The following NUP155 variants were observed in gnomAD, a reference collection of about 807,000 sequenced individuals.
The protein encoded by NUP155 is nuclear pore complex protein Nup155.
In NUP155, 71 loss-of-function variants were observed where a neutral mutation model predicts 180.4. That is an observed-to-expected ratio of 0.39 (90% confidence interval 0.33 to 0.48). The LOEUF (loss-of-function observed/expected upper bound fraction) is 0.48, where lower values mean the gene tolerates loss of function less well. Ranked by LOEUF, NUP155 falls within the 20% of genes least tolerant of loss-of-function variation. NUP155 has a pLI of 0.91. For missense variants in NUP155, 1,553 were observed against 1,648.9 expected (o/e 0.94, Z 1.01); for synonymous variants, 582 against 559.5 (o/e 1.04, Z -0.57).
chr5:37,299,438 GA>G lies in NUP155; in HGVS notation c.3682+9del. ...AACGTATGCTAACATACCTATAACTGAACACTTACCTTTCTCTATGATATCT... is the reference window on the plus strand; with the variant it reads ...AACGTATGCTAACATACCTATAACTGACACTTACCTTTCTCTATGATATCT... On this transcript the variant is annotated intron_variant, in intron 31 of 34. Coordinates refer to ENST00000231498, the MANE Select transcript of NUP155 (RefSeq NM_153485.3). The G allele has an allele frequency of 6.2e-7, 1 of 1,613,922 alleles. No individual in the cohort carries two copies. The highest frequency in any genetic ancestry group is 8.5e-7 in the Non-Finnish European group (1 of 1,179,918).
At chr5:37,349,866 A>C (rs185212718) in intron 7 of NUP155, among the ~76,000 whole-genome samples, 473 of 152,310 alleles carry the variant, frequency 3.1e-3, no homozygotes, top group Non-Finnish European at 5.6e-3. Flanking sequence ...TAGCTGTCTG[A>C]ATGTCTGTCT....
chr5:37,335,852 AG>A (rs932177640), intron 12 of NUP155, among the ~76,000 whole-genome samples: 2 of 151,218 alleles, frequency 1.3e-5, no homozygotes, highest in African/African-American at 4.9e-5. Flanking sequence ...CATGGCGGGG[AG>A]GGGGTGGCGG....
intron 11 of NUP155, 91 bp from the exon 12 acceptor site, chr5:37,338,009 TGC>T (rs1475311389): frequency 4.3e-5 from 36 of 832,624 alleles, no homozygotes; most frequent in Non-Finnish European, 6.2e-5. Flanking sequence ...CAAAAGCAAT[TGC>T]GGTTTTGCAA....
At chr5:37,353,581 C>CA (rs1372416002) in intron 4 of NUP155, among the ~76,000 whole-genome samples, 1 of 150,562 alleles carries the variant, frequency 6.6e-6, no homozygotes, top group Admixed American at 6.6e-5. Flanking sequence ...GACTCCATCT[C>CA]AAAAAAAATA....
In NUP155 at chr5:37,290,134, A is replaced by G. The variant is rs1426813043; in HGVS notation, c.*1766T>C. 1 of 152,206 alleles carries G rather than the reference A, an allele frequency of 6.6e-6. No individual in the cohort carries two copies. The highest frequency in any genetic ancestry group is 6.6e-5 in the Admixed American group (1 of 15,260). 9.4% of individuals were successfully genotyped at this position (152,206 alleles called of 1,614,324 possible). A position where few individuals can be genotyped will look rare whatever the true frequency, so the allele number is the denominator to read the frequency against. ...AAATGTATTGTACAAATTGTTAGACATGCATCACTTACAATAAACAGAAGG... is the reference window on the plus strand; with the variant it reads ...AAATGTATTGTACAAATTGTTAGACGTGCATCACTTACAATAAACAGAAGG... On this transcript the variant is annotated 3_prime_UTR_variant, in exon 35 of 35. Coordinates refer to ENST00000231498, the MANE Select transcript of NUP155 (RefSeq NM_153485.3).
intron 21 of NUP155, among the ~76,000 whole-genome samples, chr5:37,316,655 G>T (rs1743905910): frequency 6.6e-6 from 1 of 151,494 alleles, no homozygotes; most frequent in African/African-American, 2.4e-5. Context: ...GGTAGAGATG[G>T]GGTTTCAACA....
rs201661340 is a variant in NUP155, at chr5:37,342,663, A to G, written c.996-17T>C. 2.9e-5 allele frequency: 43 copies of G among 1,458,332 alleles called. No individual in the cohort carries two copies. In the African/African-American group the frequency reaches 3.6e-4, roughly 12 times the overall value. 90.3% of individuals were successfully genotyped at this position (1,458,332 alleles called of 1,614,324 possible). The stretch of plus-strand genomic sequence containing the variant: ...TCGATGGTCCTAAAAGAAAGGAGAA[A>G]ATAAAGTGTATTTTTAAAATGTGTC... On this transcript the variant is annotated splice_polypyrimidine_tract_variant and intron_variant, in intron 9 of 34. Transcript: ENST00000231498.
At chr5:37,339,982 G>A (rs1745604480) in intron 11 of NUP155, among the ~76,000 whole-genome samples, 1 of 152,098 alleles carries the variant, frequency 6.6e-6, no homozygotes, top group African/African-American at 2.4e-5. Flanking sequence ...GGCTGGTCTT[G>A]AACTGATCTC....
chr5:37,368,209 C>CTTTTTTTTT (rs58198308), intron 1 of NUP155, among the ~76,000 whole-genome samples: 1 of 52,830 alleles, frequency 1.9e-5, no homozygotes, highest in African/African-American at 7.6e-5. Context: ...AGCGCCAGGC[C>CTTTTTTTTT]TTTTTTTTTT....
chr5:37,331,177 G>A (rs1744938554), intron 14 of NUP155, among the ~76,000 whole-genome samples: 1 of 151,670 alleles, frequency 6.6e-6, no homozygotes, highest in Non-Finnish European at 1.5e-5. Flanking sequence ...ATCAACAACA[G>A]AGAATAAAAA....
At chr5:37,338,653 A>G (rs1581180985) in intron 11 of NUP155, among the ~76,000 whole-genome samples, 1 of 152,052 alleles carries the variant, frequency 6.6e-6, no homozygotes, top group South Asian at 2.1e-4. Context: ...GATCCGCCCA[A>G]CTTGGCCTCC....
chr5:37,301,324 T>C (rs1421986102), intron 30 of NUP155, 113 bp downstream of exon 30: 3 of 689,834 alleles, frequency 4.3e-6, no homozygotes, highest in Non-Finnish European at 7.8e-6. Flanking sequence ...AGATGCCTTA[T>C]CTTATTTGTG....
chr5:37,371,073 C>G lies in NUP155; in HGVS notation c.-96G>C. 7.3e-7 allele frequency: 1 copy of G among 1,366,930 alleles called. No individual in the cohort carries two copies. The highest frequency in any genetic ancestry group is 1.0e-6 in the Non-Finnish European group (1 of 984,020). The allele number at this position is 1,366,930 out of a possible 1,614,324, so 84.7% of individuals were successfully genotyped here. A position where few individuals can be genotyped will look rare whatever the true frequency, so the allele number is the denominator to read the frequency against. The stretch of plus-strand genomic sequence containing the variant: ...GTTAGCTTAGATCCGCCGCCTAGGG[C>G]GCGCGCGCCAAACGAGCGCCTTGGC... On this transcript the variant is annotated 5_prime_UTR_variant, in exon 1 of 35. Coordinates refer to ENST00000231498, the MANE Select transcript of NUP155 (RefSeq NM_153485.3).
intron 12 of NUP155, among the ~76,000 whole-genome samples, chr5:37,334,426 G>T (rs2150969916): frequency 6.6e-6 from 1 of 151,900 alleles, no homozygotes; most frequent in Middle Eastern, 3.4e-3. Flanking sequence ...TGTTGCCAAG[G>T]CTGGAGTGCA....
intron 24 of NUP155, among the ~76,000 whole-genome samples, chr5:37,307,695 G>A (rs1210411388): frequency 6.6e-6 from 1 of 152,062 alleles, no homozygotes; most frequent in Non-Finnish European, 1.5e-5. Flanking sequence ...GGCTGAGAGG[G>A]GGCAGATCAC....
chr5:37,294,005 C>CAAAAAAAAAAAAAAAAAAAAAAAAAAA (rs70976294), intron 33 of NUP155, among the ~76,000 whole-genome samples: 21 of 37,254 alleles, frequency 5.6e-4, no homozygotes, highest in East Asian at 1.9e-3. Context: ...GACGCCGTCT[C>CAAAAAAAAAAAAAAAAAAAAAAAAAAA]AAAAAAAAAA....
intron 1 of NUP155, among the ~76,000 whole-genome samples, chr5:37,367,955 T>C (rs1175087305): frequency 6.6e-6 from 1 of 152,176 alleles, no homozygotes; most frequent in Middle Eastern, 3.2e-3. Context: ...AGCTAATTTT[T>C]GTATTTTTAG....
chr5:37,330,774 TA>T (rs1203899138), intron 14 of NUP155, among the ~76,000 whole-genome samples: 1 of 152,184 alleles, frequency 6.6e-6, no homozygotes, highest in African/African-American at 2.4e-5. Flanking sequence ...AACTTGTCCC[TA>T]AATGTCTTGT....
chr5:37,324,683 T>C (rs1744470528), intron 19 of NUP155, among the ~76,000 whole-genome samples: 1 of 152,148 alleles, frequency 6.6e-6, no homozygotes, highest in Non-Finnish European at 1.5e-5. Context: ...TAGCTGGAAG[T>C]ACCAGCACAT....
Sources: gnomAD v4.1 joint callset for allele counts (sites outside exome capture counted in the v4.1 genomes callset) on GRCh38, gnomAD v4.1.1 for gene constraint, MANE v1.5 for transcripts, NCBI Gene and HGNC (gene_info 2026-07-23, HGNC 2026-07-21) for gene names.